PDE4D: variants seen among roughly 807,000 people sequenced by gnomAD.
The protein encoded by PDE4D is 3',5'-cyclic-AMP phosphodiesterase 4D.
A neutral mutation model predicts 87.4 loss-of-function variants in PDE4D; 24 were observed. The observed-to-expected ratio is 0.27, with a 90% CI of 0.20 to 0.39. PDE4D has a LOEUF of 0.39. PDE4D is among the 10% of genes least tolerant of loss of function. The pLI is 1.00. For synonymous variants in PDE4D, 384 were observed against 383.2 expected (o/e 1.00, Z -0.02); for missense variants, 714 against 1,041.0 (o/e 0.69, Z 4.32).
In PDE4D at chr5:60,273,217, A is replaced by G. The variant is rs921378203; in HGVS notation, c.-89-87530T>C. On this transcript the variant is annotated intron_variant, in intron 1 of 16. Coordinates refer to the PDE4D transcript ENST00000502484. ...ACTCACCCTTGAGAGAGGCAGGGTC[A>G]AGGAAGTCATCTATTCAGAGGTAGT... 2.0e-5 allele frequency among the ~76,000 whole-genome samples: 3 copies of G among 152,266 alleles called. No individual in the cohort carries two copies. In the Middle Eastern group the frequency reaches 0.01, roughly 518 times the overall value.
intron 1 of PDE4D, among the ~76,000 whole-genome samples, chr5:59,244,681 TG>T (rs1758458771): frequency 1.8e-4 from 1 of 5,706 alleles, no homozygotes; most frequent in Admixed American, 4.8e-3. Context: ...TGTGTGTGTC[TG>T]TGTGTGTGTG....
At chr5:59,378,612 C>T (rs1328604640) in intron 1 of PDE4D, among the ~76,000 whole-genome samples, 1 of 152,130 alleles carries the variant, frequency 6.6e-6, no homozygotes, top group Non-Finnish European at 1.5e-5. Context: ...TATGTTCACC[C>T]TTTTAGGTAT....
At chr5:59,220,555 G>A (rs761489929) in intron 1 of PDE4D, among the ~76,000 whole-genome samples, 7 of 152,016 alleles carry the variant, frequency 4.6e-5, no homozygotes, top group Non-Finnish European at 1.0e-4. Flanking sequence ...ATTTTAAAAG[G>A]CAGCACATTT....
intron 1 of PDE4D, among the ~76,000 whole-genome samples, chr5:60,408,947 C>T (rs187342636): frequency 1.8e-4 from 28 of 152,298 alleles, no homozygotes; most frequent in Non-Finnish European, 3.1e-4. Context: ...CATTCAGTCA[C>T]TTATCATGTA....
chr5:60,085,555 G>A lies in PDE4D; in HGVS notation c.43-96838C>T, dbSNP rs1774433837. On this transcript the variant is annotated intron_variant, in intron 2 of 16. Transcript: ENST00000502484. ...GAGAAAGAAACTCTTTTCTATGGGA[G>A]GTTGTGCCTCCGTCTTTTTTTCCAA... Among the ~76,000 whole-genome samples the A allele has an allele frequency of 2.0e-5, 3 of 152,162 alleles. No individual in the cohort carries two copies. In the South Asian group the frequency reaches 6.2e-4, roughly 32 times the overall value.
chr5:59,490,819 A>G (rs1234522003), intron 1 of PDE4D, among the ~76,000 whole-genome samples: 1 of 152,244 alleles, frequency 6.6e-6, no homozygotes, highest in Non-Finnish European at 1.5e-5. Flanking sequence ...TGGTACCACG[A>G]AAGTAAAAGG....
intron 1 of PDE4D, among the ~76,000 whole-genome samples, chr5:59,779,097 G>A (rs2152623175): frequency 6.6e-6 from 1 of 152,116 alleles, no homozygotes; most frequent in East Asian, 1.9e-4. Context: ...AGGAGGCGGA[G>A]GTTGCAGTGA....
At chr5:58,989,233 T>G (rs1222118823) in intron 10 of PDE4D, among the ~76,000 whole-genome samples, 1 of 152,090 alleles carries the variant, frequency 6.6e-6, no homozygotes, top group African/African-American at 2.4e-5. Context: ...ACCCATATGA[T>G]GAGGTATTAA....
intron 1 of PDE4D, among the ~76,000 whole-genome samples, chr5:59,473,086 A>G (rs1487772927): frequency 3.4e-5 from 2 of 58,008 alleles, no homozygotes; most frequent in Non-Finnish European, 6.5e-5. Context: ...TTCTCATGAA[A>G]AAAAAAAAAA....
At chr5:59,844,111 C>T (rs545638046) in intron 1 of PDE4D, among the ~76,000 whole-genome samples, 1 of 152,142 alleles carries the variant, frequency 6.6e-6, no homozygotes, top group South Asian at 2.1e-4. Context: ...GTTTTTCAAC[C>T]TCTCAAACAC....
chr5:59,576,927 A>G (rs1823267931), intron 1 of PDE4D, among the ~76,000 whole-genome samples: 1 of 152,162 alleles, frequency 6.6e-6, no homozygotes, highest in Admixed American at 6.6e-5. Flanking sequence ...GGTCTCTTTC[A>G]CTGATCTCAA....
intron 6 of PDE4D, chr5:58,999,567 A>G (rs200342836): frequency 2.8e-6 from 3 of 1,069,842 alleles, no homozygotes; most frequent in South Asian, 3.0e-5. Flanking sequence ...ATATATATAT[A>G]TGTATATATA....
At chr5:59,731,795 A>T (rs964251411) in intron 1 of PDE4D, among the ~76,000 whole-genome samples, 2 of 152,186 alleles carry the variant, frequency 1.3e-5, no homozygotes, top group East Asian at 3.8e-4. Flanking sequence ...GTAAATATAC[A>T]CAAATTATCT....
chr5:59,846,902 C>G (rs1398893978), intron 1 of PDE4D, among the ~76,000 whole-genome samples: 3 of 151,936 alleles, frequency 2.0e-5, no homozygotes, highest in Non-Finnish European at 2.9e-5. Flanking sequence ...TAAACTCCCT[C>G]GATTTTTTAA....
At chr5:60,029,836 G>A (rs1352160258) in intron 2 of PDE4D, among the ~76,000 whole-genome samples, 1 of 152,144 alleles carries the variant, frequency 6.6e-6, no homozygotes, top group East Asian at 1.9e-4. Flanking sequence ...TGATGGTGAT[G>A]ATGTGGTAAA....
intron 1 of PDE4D, among the ~76,000 whole-genome samples, chr5:59,664,582 G>C (rs1317410990): frequency 6.6e-6 from 1 of 152,044 alleles, no homozygotes; most frequent in East Asian, 1.9e-4. Context: ...CTGCCATAAT[G>C]GTTTCATTTT....
intron 2 of PDE4D, among the ~76,000 whole-genome samples, chr5:60,105,527 C>G (rs1232512519): frequency 6.6e-6 from 1 of 152,072 alleles, no homozygotes; most frequent in African/African-American, 2.4e-5. Context: ...CAAAGATACT[C>G]CTCAAGAAGC....
At chr5:59,681,732 C>T (rs569467223) in intron 1 of PDE4D, among the ~76,000 whole-genome samples, 1 of 151,936 alleles carries the variant, frequency 6.6e-6, no homozygotes, top group East Asian at 1.9e-4. Flanking sequence ...AACCCCGTCT[C>T]TACTAAACAA....
chr5:59,443,405 T>C (rs1050458313), intron 1 of PDE4D, among the ~76,000 whole-genome samples: 2 of 152,222 alleles, frequency 1.3e-5, no homozygotes, highest in African/African-American at 4.8e-5. Flanking sequence ...AAAGATGGCA[T>C]ATGTTTGCAC....
Sources: gnomAD v4.1 joint callset for allele counts (sites outside exome capture counted in the v4.1 genomes callset) on GRCh38, gnomAD v4.1.1 for gene constraint, MANE v1.5 for transcripts, NCBI Gene and HGNC (gene_info 2026-07-23, HGNC 2026-07-21) for gene names.